Variants in DCDC1 observed in about 807,000 individuals in gnomAD.
DCDC1 encodes doublecortin domain containing 1, also known as doublecortin domain-containing protein 1.
A neutral mutation model predicts 178.3 loss-of-function variants in DCDC1; 200 were observed. The observed-to-expected ratio is 1.12, with a 90% CI of 1.00 to 1.26. DCDC1 has a LOEUF of 1.26. DCDC1 is among the 50% of genes most tolerant of loss of function. The pLI is 0.00. For synonymous variants in DCDC1, 690 were observed against 604.8 expected, an observed-to-expected ratio of 1.14 and a Z score of -2.07; for missense variants, 1,983 against 1,749.2, an observed-to-expected ratio of 1.13 and a Z score of -2.38.
At chr11:30,922,937 T>C (rs1946343883) in intron 23 of DCDC1, among the ~76,000 whole-genome samples, 1 of 142,510 alleles carries the variant, frequency 7.0e-6, no homozygotes, top group Non-Finnish European at 1.5e-5. Flanking sequence ...GTTTAAAAAA[T>C]AATTGTTTAA....
chr11:31,308,547 G>A (rs1442748974), intron 3 of DCDC1, among the ~76,000 whole-genome samples: 2 of 152,154 alleles, frequency 1.3e-5, no homozygotes, highest in East Asian at 3.9e-4. Context: ...GACTATCCTG[G>A]TTTTGGCACT....
Position 31,096,111 on chromosome 11 carries a change from T to C in DCDC1, c.1984-1927A>G, listed in dbSNP as rs528439024. Among the ~76,000 whole-genome samples the C allele has an allele frequency of 5.8e-4, 89 of 152,284 alleles. 1 individual carries two copies. The highest frequency in any genetic ancestry group is 2.1e-3 in the African/African-American group (86 of 41,548). On this transcript the variant is annotated intron_variant, in intron 15 of 38. Transcript: ENST00000684477. ...CTATCATAAGGATAAAACTAATATA[T>C]GTGGTAATTATTCTGTAATGAAAGT...
At chr11:31,159,144 T>C (rs987694358) in intron 9 of DCDC1, among the ~76,000 whole-genome samples, 2 of 152,192 alleles carry the variant, frequency 1.3e-5, no homozygotes, top group Admixed American at 6.5e-5. Context: ...CAAAGCACTG[T>C]GCAAATATTT....
At chr11:30,985,986 C>T (rs531463558) in intron 20 of DCDC1, among the ~76,000 whole-genome samples, 52 of 152,042 alleles carry the variant, frequency 3.4e-4, no homozygotes, top group Non-Finnish European at 6.9e-4. Context: ...GGCTCAGCAG[C>T]GTCTAGCAGA....
intron 11 of DCDC1, among the ~76,000 whole-genome samples, chr11:31,115,981 T>G (rs149098805): frequency 9.2e-3 from 351 of 38,050 alleles, no homozygotes; most frequent in Non-Finnish European, 0.016. Flanking sequence ...GCTGTGGCAG[T>G]GGGGGGGGGG....
At chr11:31,313,254 C>G (rs182387761) in intron 3 of DCDC1, among the ~76,000 whole-genome samples, 2 of 152,050 alleles carry the variant, frequency 1.3e-5, no homozygotes, top group African/African-American at 4.8e-5. Context: ...TTTATTTTTA[C>G]TGGTTATGCT....
intron 37 of DCDC1, 115 bp from the exon 38 acceptor site, chr11:30,878,826 C>A: frequency 1.1e-6 from 1 of 925,470 alleles, no homozygotes; most frequent in Non-Finnish European, 1.5e-6. Flanking sequence ...GGCTCCCACC[C>A]TGGGCTCTCT....
In DCDC1 at chr11:30,911,429, A is replaced by G. The variant is rs756312107; in HGVS notation, c.3654-9T>C. On this transcript the variant is annotated splice_polypyrimidine_tract_variant and intron_variant, in intron 27 of 38. Transcript: ENST00000684477. The stretch of plus-strand genomic sequence containing the variant: ...TCACAAGGTGAAAGGTCCTTGGGAA[A>G]ACAGGATTAGCCACATTACAAAGTA... The G allele has an allele frequency of 1.3e-6, 2 of 1,585,936 alleles. No homozygotes were observed. The highest frequency in any genetic ancestry group is 1.7e-6 in the Non-Finnish European group (2 of 1,164,962).
chr11:31,029,300 T>TG (rs1369400171), intron 20 of DCDC1, among the ~76,000 whole-genome samples: 1 of 151,688 alleles, frequency 6.6e-6, no homozygotes, highest in African/African-American at 2.4e-5. Flanking sequence ...GTACCAGGAG[T>TG]GGAAAAAAAA....
chr11:30,875,442 A>C (rs772812408), intron 38 of DCDC1, among the ~76,000 whole-genome samples: 3 of 152,122 alleles, frequency 2.0e-5, no homozygotes, highest in Admixed American at 1.3e-4. Context: ...GGACATTTGC[A>C]TCTGATTTTG....
At chr11:31,062,237 C>T (rs1477123997) in intron 20 of DCDC1, among the ~76,000 whole-genome samples, 2 of 152,072 alleles carry the variant, frequency 1.3e-5, no homozygotes, top group Non-Finnish European at 2.9e-5. Context: ...ATGACAAGCG[C>T]CAGCTTTCCC....
At position 31,148,094 on chromosome 11, in the gene DCDC1, G is replaced by A. The variant is rs1249053065; in HGVS notation, c.1222-10310C>T. Among the ~76,000 whole-genome samples, 3 of 151,756 alleles carry A rather than the reference G, an allele frequency of 2.0e-5. No homozygotes were observed. The East Asian group carries it at 5.8e-4, about 29-fold the overall frequency. On this transcript the variant is annotated intron_variant, in intron 9 of 38. Transcript: ENST00000684477. ...AGCTGAGTTCAGGTTAGGGCACATG[G>A]CATTCCTGATCATGGCAGAATATCT...
At chr11:31,022,929 T>C (rs965037142) in intron 20 of DCDC1, among the ~76,000 whole-genome samples, 4 of 152,092 alleles carry the variant, frequency 2.6e-5, no homozygotes, top group African/African-American at 9.7e-5. Flanking sequence ...ACTGTGACTT[T>C]TGTAAGTTTT....
intron 1 of DCDC1, among the ~76,000 whole-genome samples, chr11:31,354,550 A>G (rs1951234908): frequency 6.6e-6 from 1 of 152,206 alleles, no homozygotes; most frequent in South Asian, 2.1e-4. Context: ...AACTGGGGGC[A>G]TGAATATAGT....
chr11:31,351,698 C>T (rs1951081604), intron 1 of DCDC1, among the ~76,000 whole-genome samples: 1 of 152,042 alleles, frequency 6.6e-6, no homozygotes. Flanking sequence ...CTTTTCCTCC[C>T]AAGCATGAAA....
chr11:31,163,754 A>G (rs1309704910), intron 9 of DCDC1, among the ~76,000 whole-genome samples: 1 of 152,180 alleles, frequency 6.6e-6, no homozygotes, highest in African/African-American at 2.4e-5. Flanking sequence ...ACGATTTATA[A>G]GAAATATGCT....
In DCDC1 at chr11:31,096,726, G is replaced by A. The variant is rs139650670; in HGVS notation, c.1984-2542C>T. 1.4e-3 allele frequency among the ~76,000 whole-genome samples: 214 copies of A among 151,972 alleles called. 1 individual carries two copies. The highest frequency in any genetic ancestry group is 4.8e-3 in the African/African-American group (200 of 41,470). On this transcript the variant is annotated intron_variant, in intron 15 of 38. Coordinates refer to ENST00000684477, the MANE Select transcript of DCDC1 (RefSeq NM_001387274.1). ...AAAAAAAAAAAATCCTGCCAAGTCT[G>A]GAGTTCTGATACGTTTAAAACTGAC...
intron 3 of DCDC1, among the ~76,000 whole-genome samples, chr11:31,324,917 A>G (rs1040159442): frequency 1.3e-5 from 2 of 152,150 alleles, no homozygotes; most frequent in African/African-American, 4.8e-5. Context: ...AATGGTTAGT[A>G]TTTACTTTTT....
chr11:30,912,408 C>T (rs532432144), intron 27 of DCDC1, among the ~76,000 whole-genome samples: 25 of 152,150 alleles, frequency 1.6e-4, no homozygotes, highest in South Asian at 1.2e-3. Context: ...CTCAGTCTCC[C>T]GAGTAGCTGG....
Sources: allele counts gnomAD v4.1 joint callset (sites outside exome capture counted in the v4.1 genomes callset), GRCh38; gene constraint gnomAD v4.1.1; transcripts MANE v1.5; gene names NCBI Gene and HGNC (gene_info 2026-07-23, HGNC 2026-07-21).